The following XPR1 variants were observed in gnomAD, a reference collection of about 807,000 sequenced individuals.
XPR1 encodes solute carrier family 53 member 1.
XPR1 carries 28 observed loss-of-function variants against 87.5 expected under a neutral mutation model. The ratio of observed to expected loss-of-function variants is 0.32; its 90% CI spans 0.24 to 0.44. XPR1 has a LOEUF of 0.44. Ranked by LOEUF, XPR1 falls within the 20% of genes least tolerant of loss-of-function variation. The pLI, the probability that XPR1 is intolerant of heterozygous loss-of-function variation, is 1.00. For missense variants in XPR1, 559 were observed against 862.3 expected (o/e 0.65, Z 4.41); for synonymous variants, 300 against 306.1 (o/e 0.98, Z 0.21).
At chr1:180,765,546 C>T (rs1648250547) in intron 2 of XPR1, among the ~76,000 whole-genome samples, 1 of 152,046 alleles carries the variant, frequency 6.6e-6, no homozygotes. Flanking sequence ...TTCAGGACTC[C>T]CCTCAGATAT....
At position 180,665,648 on chromosome 1, in the gene XPR1, A is replaced by C. The variant is rs61809309; in HGVS notation, c.70-16712A>C. Among the ~76,000 whole-genome samples the C allele has an allele frequency of 6.3e-3, 963 of 152,194 alleles. 6 individuals are homozygous for C. The highest frequency in any genetic ancestry group is 0.01 in the Admixed American group (153 of 15,292). On this transcript the variant is annotated intron_variant, in intron 1 of 14. Coordinates refer to ENST00000367590, the MANE Select transcript of XPR1 (RefSeq NM_004736.4). ...CCAGTGTTGGCAGCACTGGGTTCCA[A>C]TGTGAAGTCTCACAATTGCTGCACT...
At chr1:180,873,058 C>T (rs1230132600) in intron 12 of XPR1, among the ~76,000 whole-genome samples, 2 of 151,494 alleles carry the variant, frequency 1.3e-5, no homozygotes, top group Non-Finnish European at 2.9e-5. Flanking sequence ...CATAGTAGTT[C>T]CCCTTCCCAA....
chr1:180,775,866 A>G (rs555706350), intron 2 of XPR1, among the ~76,000 whole-genome samples: 1 of 152,310 alleles, frequency 6.6e-6, no homozygotes, highest in South Asian at 2.1e-4. Flanking sequence ...ATATCCAGAT[A>G]TATGTGGATA....
chr1:180,861,779 G>A (rs547152974), intron 11 of XPR1, among the ~76,000 whole-genome samples: 1 of 152,120 alleles, frequency 6.6e-6, no homozygotes, highest in East Asian at 1.9e-4. Context: ...CTCTTGGGTG[G>A]GAGTGGGGAT....
intron 2 of XPR1, among the ~76,000 whole-genome samples, chr1:180,706,116 C>T (rs1225021688): frequency 1.3e-5 from 2 of 152,182 alleles, no homozygotes; most frequent in South Asian, 4.1e-4. Flanking sequence ...ATGGATAAAG[C>T]CAGCTTCCCA....
intron 2 of XPR1, among the ~76,000 whole-genome samples, chr1:180,699,122 C>T (rs1031925660): frequency 1.3e-5 from 2 of 151,654 alleles, no homozygotes; most frequent in African/African-American, 2.4e-5. Context: ...ATCATTTCAC[C>T]TTCTGGGATT....
At chr1:180,665,772 C>T (rs527651176) in intron 1 of XPR1, among the ~76,000 whole-genome samples, 15 of 152,256 alleles carry the variant, frequency 9.9e-5, no homozygotes, top group African/African-American at 1.7e-4. Flanking sequence ...CAAGATTGTC[C>T]GTCCTACCTT....
chr1:180,685,623 T>C (rs1256166318), intron 2 of XPR1, among the ~76,000 whole-genome samples: 1 of 152,148 alleles, frequency 6.6e-6, no homozygotes. Flanking sequence ...TCCTGGACTT[T>C]TTTTGGTTGG....
chr1:180,795,559 T>C (rs1280021579), intron 3 of XPR1, among the ~76,000 whole-genome samples: 1 of 152,234 alleles, frequency 6.6e-6, no homozygotes, highest in Non-Finnish European at 1.5e-5. Flanking sequence ...AGATAGCTTC[T>C]AAGTTGTTAG....
intron 1 of XPR1, among the ~76,000 whole-genome samples, chr1:180,662,546 A>T (rs753281420): frequency 4.6e-5 from 7 of 152,048 alleles, no homozygotes; most frequent in Admixed American, 6.6e-5. Flanking sequence ...TGCTGCTTTT[A>T]TGATCGTTTC....
chr1:180,889,147 T>A lies in XPR1; in HGVS notation c.*5081T>A, dbSNP rs1653106828. ...TTTCCCTTAAAGTGAGGAGAATCAT[T>A]ATACAACTTTGCAACTGAAGTATGT... On this transcript the variant is annotated 3_prime_UTR_variant, in exon 15 of 15. Coordinates refer to ENST00000367590, the MANE Select transcript of XPR1 (RefSeq NM_004736.4). 1 of 152,244 alleles carries A rather than the reference T, an allele frequency of 6.6e-6. No homozygotes were observed. Among genetic ancestry groups the A allele is most frequent in the Admixed American group, 6.5e-5 (1 of 15,288 alleles). The allele number at this position is 152,244 out of a possible 1,614,324, so 9.4% of individuals were successfully genotyped here.
At chr1:180,653,863 G>A (rs1306525838) in intron 1 of XPR1, among the ~76,000 whole-genome samples, 1 of 152,080 alleles carries the variant, frequency 6.6e-6, no homozygotes, top group South Asian at 2.1e-4. Context: ...CCTATATAGC[G>A]TGGATATACT....
intron 11 of XPR1, among the ~76,000 whole-genome samples, chr1:180,844,958 A>G (rs1308169862): frequency 6.6e-6 from 1 of 152,226 alleles, no homozygotes; most frequent in South Asian, 2.1e-4. Flanking sequence ...TACTTCTGCC[A>G]TGGAAACAGG....
At chr1:180,756,275 G>T (rs1398234455) in intron 2 of XPR1, among the ~76,000 whole-genome samples, 2 of 152,220 alleles carry the variant, frequency 1.3e-5, no homozygotes, top group African/African-American at 4.8e-5. Context: ...AAAGATTGAA[G>T]CTGTGTTTCA....
chr1:180,875,508 CA>C (rs1167673409), intron 13 of XPR1, among the ~76,000 whole-genome samples: 4,023 of 63,064 alleles, frequency 0.064, 103 homozygotes, highest in African/African-American at 0.18. Flanking sequence ...GACTCCGTCT[CA>C]AAAAAAAAAA....
At chr1:180,642,402 A>T (rs757269009) in intron 1 of XPR1, among the ~76,000 whole-genome samples, 4 of 152,178 alleles carry the variant, frequency 2.6e-5, no homozygotes, top group African/African-American at 2.4e-5. Flanking sequence ...CTAAGTATAC[A>T]TGACTGTCCC....
At chr1:180,688,124 C>CGCT (rs1342122668) in intron 2 of XPR1, among the ~76,000 whole-genome samples, 1 of 148,654 alleles carries the variant, frequency 6.7e-6, no homozygotes, top group East Asian at 2.0e-4. Flanking sequence ...GATCTCGGCT[C>CGCT]GCTGCAACTT....
intron 2 of XPR1, among the ~76,000 whole-genome samples, chr1:180,711,397 C>T (rs959256133): frequency 3.3e-5 from 5 of 152,116 alleles, no homozygotes; most frequent in Admixed American, 2.0e-4. Context: ...AGATCACTCG[C>T]GGTTAGGAGC....
chr1:180,759,293 A>G (rs1381546591), intron 2 of XPR1, among the ~76,000 whole-genome samples: 1 of 152,220 alleles, frequency 6.6e-6, no homozygotes, highest in Non-Finnish European at 1.5e-5. Context: ...AAATAGAGAC[A>G]CAAAAAACCC....
Sources: allele counts gnomAD v4.1 joint callset (sites outside exome capture counted in the v4.1 genomes callset), GRCh38; gene constraint gnomAD v4.1.1; transcripts MANE v1.5; gene names NCBI Gene and HGNC (gene_info 2026-07-23, HGNC 2026-07-21).